The following PTPN14 variants were observed in gnomAD, a reference collection of about 807,000 sequenced individuals.
PTPN14 encodes tyrosine-protein phosphatase non-receptor type 14.
PTPN14 carries 53 observed loss-of-function variants against 126.8 expected under a neutral mutation model. That is an observed-to-expected ratio of 0.42 (90% CI 0.34 to 0.53). The LOEUF (loss-of-function observed/expected upper bound fraction) is 0.53, where lower values mean the gene tolerates loss of function less well. PTPN14 is among the 20% of genes least tolerant of loss of function. The pLI, the probability that PTPN14 is intolerant of heterozygous loss-of-function variation, is 0.08. For missense variants in PTPN14, 1,257 were observed against 1,552.9 expected (o/e 0.81, Z 3.20); for synonymous variants, 630 against 599.3 (o/e 1.05, Z -0.75).
intron 1 of PTPN14, chr1:214,532,256 C>T (rs1207091884): frequency 1.2e-5 from 5 of 434,378 alleles, no homozygotes; most frequent in Middle Eastern, 1.6e-3. Flanking sequence ...TCTGTCCAGC[C>T]GCCCAGCTGG....
chr1:214,384,377 C>G lies in PTPN14; in HGVS notation c.1478G>C (p.Arg493Thr). The G allele has an allele frequency of 6.2e-7, 1 of 1,614,136 alleles. No homozygotes were observed. Among genetic ancestry groups the G allele is most frequent in the South Asian group, 1.1e-5 (1 of 91,076 alleles). Residue 493 changes from arginine to threonine, a missense_variant, in exon 13 of 19, where the codon AGG (arginine) becomes ACG (threonine). Around this residue, in one of 3 missense-constraint regions of PTPN14, gnomAD observed 1,021 missense variants for 1,183.3 expected, o/e 0.86. Transcript: ENST00000366956. This position sits in a 1 kb window ranked among gnomAD's most constrained non-coding sequence, Gnocchi z 5.3. ...CCCATAAGGGACAGTGTAGGGGTGC[C>G]TCTCCCGCATCTCCGGTTGGCTGTA... is the stretch of plus-strand genomic sequence containing the variant. ...LVYSQPEMRE[R>T]HPYTVPYGPQ... is the part of the protein sequence containing the mutation.
At chr1:214,489,188 T>C (rs1661178249) in intron 1 of PTPN14, among the ~76,000 whole-genome samples, 2 of 152,164 alleles carry the variant, frequency 1.3e-5, no homozygotes, top group Admixed American at 1.3e-4. Context: ...CATTTTCAGT[T>C]TGTTATATCA....
chr1:214,426,317 A>G lies in PTPN14; in HGVS notation c.345-11591T>C, dbSNP rs557442085. Among the ~76,000 whole-genome samples, 4 of 152,220 alleles carry G rather than the reference A, an allele frequency of 2.6e-5. No homozygotes were observed. In the South Asian group the frequency reaches 8.3e-4, roughly 32 times the overall value. ...CATGCTTGATATTTTCAAGCATGGA[A>G]ATGTCTCTCTACAATTCTTCCTTTC... is the stretch of plus-strand genomic sequence containing the variant. On this transcript the variant is annotated intron_variant, in intron 3 of 18. Transcript: ENST00000366956.
chr1:214,392,219 T>C (rs1271069880), intron 10 of PTPN14, among the ~76,000 whole-genome samples: 1 of 150,952 alleles, frequency 6.6e-6, no homozygotes, highest in African/African-American at 2.4e-5. Flanking sequence ...CGAGAGAGAG[T>C]ATAATTTTGA....
At chr1:214,391,127 G>C in intron 10 of PTPN14, 82 bp from the exon 11 acceptor site, 97 of 940,630 alleles carry the variant, frequency 1.0e-4, no homozygotes, top group Middle Eastern at 2.5e-4. Context: ...GAGAGGAAGA[G>C]AATAAACAAG....
intron 2 of PTPN14, among the ~76,000 whole-genome samples, chr1:214,456,638 C>G (rs2102641209): frequency 6.6e-6 from 1 of 152,184 alleles, no homozygotes; most frequent in Middle Eastern, 3.4e-3. Flanking sequence ...AGAAGCAAGT[C>G]CCATAGCCAA....
intron 1 of PTPN14, among the ~76,000 whole-genome samples, chr1:214,481,305 G>A (rs200058862): frequency 1.3e-5 from 2 of 151,726 alleles, no homozygotes; most frequent in Admixed American, 6.6e-5. Context: ...TCAGGAGTTC[G>A]AGACCACCAT....
At chr1:214,406,119 G>A (rs991881135) in intron 5 of PTPN14, among the ~76,000 whole-genome samples, 5 of 152,170 alleles carry the variant, frequency 3.3e-5, no homozygotes, top group Admixed American at 1.3e-4. Context: ...TTGGGATGAC[G>A]AAAGTGTTCC....
chr1:214,548,247 C>T (rs552202315), intron 1 of PTPN14, among the ~76,000 whole-genome samples: 60 of 152,186 alleles, frequency 3.9e-4, no homozygotes, highest in Admixed American at 7.2e-4. Flanking sequence ...AACTCCCAAA[C>T]CTGGACCGCC....
chr1:214,497,522 G>A (rs917404123), intron 1 of PTPN14, among the ~76,000 whole-genome samples: 1 of 152,058 alleles, frequency 6.6e-6, no homozygotes, highest in African/African-American at 2.4e-5. Context: ...TTTAATCTAT[G>A]CTACAAGCTT....
At chr1:214,474,052 T>C (rs1041233320) in intron 1 of PTPN14, among the ~76,000 whole-genome samples, 1 of 152,222 alleles carries the variant, frequency 6.6e-6, no homozygotes, top group African/African-American at 2.4e-5. Flanking sequence ...AGTGGTGAGA[T>C]GGAAACTTGT....
intron 1 of PTPN14, among the ~76,000 whole-genome samples, chr1:214,523,847 A>ATTT (rs1409694203): frequency 7.8e-6 from 1 of 128,242 alleles, no homozygotes; most frequent in Non-Finnish European, 1.6e-5. Context: ...GAGTAATCAG[A>ATTT]TTCTTTTTTT....
At chr1:214,429,687 A>AC (rs1193905723) in intron 3 of PTPN14, among the ~76,000 whole-genome samples, 2 of 152,224 alleles carry the variant, frequency 1.3e-5, no homozygotes, top group African/African-American at 4.8e-5. Flanking sequence ...TGAATGAAAA[A>AC]TCCTTGATAT....
intron 1 of PTPN14, among the ~76,000 whole-genome samples, chr1:214,495,650 G>C (rs1661344659): frequency 6.6e-6 from 1 of 150,918 alleles, no homozygotes; most frequent in Non-Finnish European, 1.5e-5. Context: ...GTTATCATGT[G>C]CTATTTTATT....
At chr1:214,498,281 A>G (rs997324546) in intron 1 of PTPN14, among the ~76,000 whole-genome samples, 2 of 152,342 alleles carry the variant, frequency 1.3e-5, no homozygotes, top group East Asian at 3.9e-4. Flanking sequence ...GCACACAAAC[A>G]TGATACTGTA....
intron 1 of PTPN14, among the ~76,000 whole-genome samples, chr1:214,537,598 G>T (rs1655739583): frequency 1.3e-5 from 2 of 152,182 alleles, no homozygotes; most frequent in South Asian, 4.1e-4. Context: ...CTTGCACACG[G>T]TAAGTACTAT....
chr1:214,459,149 C>CTT (rs5780785), intron 2 of PTPN14, among the ~76,000 whole-genome samples: 5,393 of 135,724 alleles, frequency 0.04, 223 homozygotes, highest in African/African-American at 0.08. Flanking sequence ...CTCTTTTCTT[C>CTT]TTTTTTTTTT....
intron 11 of PTPN14, among the ~76,000 whole-genome samples, chr1:214,389,904 G>C (rs556162778): frequency 6.6e-6 from 1 of 152,284 alleles, no homozygotes; most frequent in South Asian, 2.1e-4. Context: ...TCAGGGCCCA[G>C]GACCACATGT....
chr1:214,417,072 T>G (rs939432873), intron 3 of PTPN14, among the ~76,000 whole-genome samples: 15 of 151,942 alleles, frequency 9.9e-5, no homozygotes, highest in African/African-American at 3.6e-4. Flanking sequence ...TTGCCAACTT[T>G]CCAAAGAGAT....
Sources: allele counts gnomAD v4.1 joint callset (sites outside exome capture counted in the v4.1 genomes callset), GRCh38; gene constraint gnomAD v4.1.1; regional missense constraint gnomAD v4.1.1; non-coding constraint Gnocchi (gnomAD v3.1); transcripts MANE v1.5; gene names NCBI Gene and HGNC (gene_info 2026-07-23, HGNC 2026-07-21).